Variants in RELN observed in about 807,000 individuals in gnomAD.
RELN encodes the protein reelin.
RELN carries 108 observed loss-of-function variants against 427.6 expected under a neutral mutation model. The observed-to-expected ratio is 0.25, with a 90% CI of 0.22 to 0.30. RELN has a LOEUF of 0.30. Among genes scored for constraint, RELN ranks in the 10% least tolerant of loss-of-function variants. RELN has a pLI of 1.00. For missense variants in RELN, 3,715 were observed against 4,302.8 expected (o/e 0.86, Z 3.82); for synonymous variants, 1,524 against 1,513.4 (o/e 1.01, Z -0.16).
chr7:103,909,958 G>C (rs561872502), intron 2 of RELN, among the ~76,000 whole-genome samples: 15 of 142,988 alleles, frequency 1.0e-4, no homozygotes, highest in Non-Finnish European at 1.6e-4. Flanking sequence ...GAAAGTCATT[G>C]GTAGCTTGAT....
chr7:103,657,593 G>T (rs904295994), intron 12 of RELN, among the ~76,000 whole-genome samples: 1 of 152,046 alleles, frequency 6.6e-6, no homozygotes, highest in African/African-American at 2.4e-5. Flanking sequence ...TTCATGAACT[G>T]CATCTGCCCT....
At chr7:103,650,572 C>T (rs530753894) in intron 15 of RELN, among the ~76,000 whole-genome samples, 189 bp from the exon 16 acceptor site, 1 of 152,138 alleles carries the variant, frequency 6.6e-6, no homozygotes, top group East Asian at 1.9e-4. Context: ...TAAAAACATC[C>T]ACGGTATGCC....
At chr7:103,917,848 T>C (rs976748646) in intron 1 of RELN, among the ~76,000 whole-genome samples, 2 of 152,122 alleles carry the variant, frequency 1.3e-5, no homozygotes, top group African/African-American at 2.4e-5. Flanking sequence ...ATTAAATATA[T>C]ACGTATGCTA....
rs1214696755 is a variant in RELN at position 103,626,162 on chromosome 7, A to G, written c.2702+3778T>C. Among the ~76,000 whole-genome samples the G allele has an allele frequency of 1.3e-5, 2 of 152,138 alleles. No individual in the cohort carries two copies. Among genetic ancestry groups the G allele is most frequent in the African/African-American group, 4.8e-5 (2 of 41,460 alleles). On this transcript the variant is annotated intron_variant, in intron 20 of 64. Transcript: ENST00000428762. This position sits in a 1 kb window ranked among gnomAD's most constrained non-coding sequence, Gnocchi z 4.4. ...GCAAACTTCCTAAAGCAGCTACATC[A>G]AAATATATACTTCTCAAAATTCCTC... is the stretch of plus-strand genomic sequence containing the variant.
intron 16 of RELN, among the ~76,000 whole-genome samples, chr7:103,648,358 G>C (rs1463485332): frequency 6.6e-6 from 1 of 152,154 alleles, no homozygotes; most frequent in East Asian, 1.9e-4. Flanking sequence ...TGCCATGATT[G>C]TAAGTTTCCT....
chr7:103,618,829 C>G (rs1269364268), intron 20 of RELN, among the ~76,000 whole-genome samples: 2 of 152,062 alleles, frequency 1.3e-5, no homozygotes, highest in Admixed American at 6.6e-5. Context: ...AGTATTTACA[C>G]TGGCAGGGTG....
At chr7:103,540,070 G>T in intron 44 of RELN, 127 bp downstream of exon 44, 3 of 1,016,648 alleles carry the variant, frequency 3.0e-6, no homozygotes, top group Non-Finnish European at 3.0e-6. Context: ...GCGTGCCCTT[G>T]GGCAAGTCAC....
intron 53 of RELN, among the ~76,000 whole-genome samples, chr7:103,498,632 C>T (rs1828919066): frequency 1.3e-5 from 2 of 152,064 alleles, no homozygotes; most frequent in Admixed American, 6.5e-5. Flanking sequence ...GCTGGGATTA[C>T]AGGTGTGTGC....
At chr7:103,939,742 A>G (rs192377396) in intron 1 of RELN, among the ~76,000 whole-genome samples, 2 of 152,372 alleles carry the variant, frequency 1.3e-5, no homozygotes, top group East Asian at 1.9e-4. Context: ...TAAATGTTCA[A>G]TGTTCAAAGG....
chr7:103,851,355 G>A (rs1055967034), intron 2 of RELN, among the ~76,000 whole-genome samples: 29 of 152,118 alleles, frequency 1.9e-4, no homozygotes, highest in Admixed American at 9.2e-4. Context: ...GAGGAGGTAA[G>A]GGATAAAACA....
At chr7:103,700,432 A>T (rs570484802) in intron 9 of RELN, among the ~76,000 whole-genome samples, 2 of 152,248 alleles carry the variant, frequency 1.3e-5, no homozygotes, top group East Asian at 3.9e-4. Flanking sequence ...TGTTAATAGA[A>T]TTTTAGAACT....
In RELN at chr7:103,589,709, G is replaced by C. The variant is rs751196307; in HGVS notation, c.4032C>G (p.Gly1344=). The C allele has an allele frequency of 2.5e-6, 4 of 1,613,802 alleles. No homozygotes were observed. Among genetic ancestry groups the C allele is most frequent in the South Asian group, 2.2e-5 (2 of 91,080 alleles). Residue 1344 remains glycine (G), a synonymous_variant, in exon 28 of 65, where the codon GGC becomes GGG. Transcript: ENST00000428762. Reference sequence around the variant, plus strand: ...CTCTGGAGTTTCCTTCGCATCCTTTGCCTGCAGAAGCCGGGTAACAGCCTT... The same window carrying C: ...CTCTGGAGTTTCCTTCGCATCCTTTCCCTGCAGAAGCCGGGTAACAGCCTT... ...VKEGCYPASA[G]KGCEGNSREL... is the part of the protein sequence containing the mutation.
At chr7:103,775,738 T>C (rs892488649) in intron 4 of RELN, among the ~76,000 whole-genome samples, 2 of 152,212 alleles carry the variant, frequency 1.3e-5, no homozygotes, top group African/African-American at 4.8e-5. Flanking sequence ...GGAATATATG[T>C]ACAGCTAAGA....
At chr7:103,861,716 T>C (rs1266882466) in intron 2 of RELN, among the ~76,000 whole-genome samples, 2 of 152,178 alleles carry the variant, frequency 1.3e-5, no homozygotes, top group African/African-American at 4.8e-5. Flanking sequence ...AATGTCACTG[T>C]TGACTTTTAT....
intron 2 of RELN, among the ~76,000 whole-genome samples, chr7:103,873,160 G>A (rs962426581): frequency 6.7e-6 from 1 of 150,014 alleles, no homozygotes; most frequent in African/African-American, 2.4e-5. Context: ...AAACCAACGA[G>A]AACAAAGACA....
Position 103,573,700 on chromosome 7 carries a change from T to G in RELN, c.4511+392A>C, listed in dbSNP as rs1300366638. ...ATTTCTGGGGACCATTTTCAATAAG[T>G]GAATACAAATCAACTTAGATAAATG... On this transcript the variant is annotated intron_variant, in intron 30 of 64. Transcript: ENST00000428762. This position sits in a 1 kb window ranked among gnomAD's most constrained non-coding sequence, Gnocchi z 4.4. Among the ~76,000 whole-genome samples the G allele has an allele frequency of 2.6e-5, 4 of 152,184 alleles. No homozygotes were observed.
At chr7:103,677,420 A>C (rs1833558310) in intron 11 of RELN, among the ~76,000 whole-genome samples, 1 of 144,052 alleles carries the variant, frequency 6.9e-6, no homozygotes, top group Non-Finnish European at 1.5e-5. Flanking sequence ...TAATAATAAT[A>C]ATAATAATAA....
At chr7:103,772,617 G>T (rs1338192621) in intron 4 of RELN, among the ~76,000 whole-genome samples, 1 of 152,150 alleles carries the variant, frequency 6.6e-6, no homozygotes, top group Non-Finnish European at 1.5e-5. Context: ...CTGGAGGGAG[G>T]GAGTGATACC....
intron 36 of RELN, among the ~76,000 whole-genome samples, chr7:103,561,183 T>C (rs1461111937): frequency 2.0e-5 from 3 of 152,200 alleles, no homozygotes; most frequent in African/African-American, 7.2e-5. Context: ...TAAAGACCGT[T>C]CATAAAGTCA....
Sources: allele counts gnomAD v4.1 joint callset (sites outside exome capture counted in the v4.1 genomes callset), GRCh38; gene constraint gnomAD v4.1.1; non-coding constraint Gnocchi (gnomAD v3.1); transcripts MANE v1.5; gene names NCBI Gene and HGNC (gene_info 2026-07-23, HGNC 2026-07-21).